Variants in TGM3 observed in about 807,000 individuals in gnomAD.
TGM3 encodes the protein transglutaminase 3.
Under a neutral mutation model 73.8 loss-of-function variants are expected in TGM3, and 52 were observed. The ratio of observed to expected loss-of-function variants is 0.70; its 90% CI spans 0.56 to 0.89. The LOEUF (loss-of-function observed/expected upper bound fraction) is 0.89, where lower values mean the gene tolerates loss of function less well. Among genes scored for constraint, TGM3 ranks in the 40% least tolerant of loss-of-function variants. The probability of loss-of-function intolerance (pLI) is 0.00; values close to 1 mark genes in which losing one functional copy is unlikely to be tolerated. For synonymous variants in TGM3, 372 were observed against 354.9 expected, an observed-to-expected ratio of 1.05 and a Z score of -0.54; for missense variants, 928 against 909.9, an observed-to-expected ratio of 1.02 and a Z score of -0.26.
At chr20:2,325,572 G>T (rs1402361731) in intron 7 of TGM3, among the ~76,000 whole-genome samples, 1 of 152,184 alleles carries the variant, frequency 6.6e-6, no homozygotes, top group East Asian at 1.9e-4. Flanking sequence ...AGGCATACAT[G>T]GGTCCACATT....
chr20:2,299,686 C>T (rs1033416372), intron 1 of TGM3, among the ~76,000 whole-genome samples: 2 of 152,138 alleles, frequency 1.3e-5, no homozygotes, highest in Non-Finnish European at 2.9e-5. Context: ...CTATAGCTGC[C>T]GGGTGGCTCT....
chr20:2,317,485 G>A lies in TGM3; in HGVS notation c.983G>A (p.Trp328Ter). Residue 328 changes from tryptophan to a stop codon, truncating the protein, a stop_gained and splice_region_variant, in exon 7 of 13, where the codon TGG (tryptophan) becomes TAG (stop). Coordinates refer to ENST00000381458, the MANE Select transcript of TGM3 (RefSeq NM_003245.4). LOFTEE classifies it high-confidence loss of function. ...CTGGACAAGGGTAGTGATAGCGTAT[G>A]GTAAGTATCTCACCTTTTCCCTGAA... is the stretch of plus-strand genomic sequence containing the variant. ...NPLDKGSDSVWNFHVWNEGWF... is the reference protein window; with the variant it reads ...NPLDKGSDSV The A allele has an allele frequency of 6.2e-7, 1 of 1,614,208 alleles. No homozygotes were observed. Among genetic ancestry groups the A allele is most frequent in the Non-Finnish European group, 8.5e-7 (1 of 1,180,024 alleles).
intron 1 of TGM3, among the ~76,000 whole-genome samples, 185 bp downstream of exon 1, chr20:2,296,255 G>C (rs2084106285): frequency 6.6e-6 from 1 of 152,208 alleles, no homozygotes. Flanking sequence ...GGTCCCTCTA[G>C]CATATTCTTG....
intron 1 of TGM3, among the ~76,000 whole-genome samples, chr20:2,308,911 G>A (rs2084188669): frequency 6.8e-6 from 1 of 146,222 alleles, no homozygotes; most frequent in Non-Finnish European, 1.5e-5. Flanking sequence ...GAGTTTTGCT[G>A]TTGATGCCCA....
rs2084215367 is a variant in TGM3 at position 2,313,017 on chromosome 20, GAGTGC to G, written c.661_665del (p.Ser221HisfsTer4). 6.2e-7 allele frequency: 1 copy of G among 1,614,056 alleles called. No individual in the cohort carries two copies. Among genetic ancestry groups the G allele is most frequent in the Non-Finnish European group, 8.5e-7 (1 of 1,180,030 alleles). ...ACCCCAAATACGTTGGCCGGGTGCT[GAGTGC>G]CATGGTGAGTAACAGGAAAACGATC... is the stretch of plus-strand genomic sequence containing the variant. On this transcript the variant is annotated frameshift_variant, in exon 5 of 13. Transcript: ENST00000381458. LOFTEE classifies it high-confidence loss of function.
In TGM3 at chr20:2,339,936, G is replaced by A; in HGVS notation, c.1883G>A (p.Cys628Tyr). The A allele has an allele frequency of 6.2e-7, 1 of 1,613,828 alleles. No individual in the cohort carries two copies. The highest frequency in any genetic ancestry group is 8.5e-7 in the Non-Finnish European group (1 of 1,179,940). Residue 628 changes from cysteine (C) to tyrosine (Y), a missense_variant, in exon 12 of 13, where the codon TGC becomes TAC. By Grantham distance (194) the Cys-to-Tyr change is radical (BLOSUM62 -2). Coordinates refer to ENST00000381458, the MANE Select transcript of TGM3 (RefSeq NM_003245.4). Reference protein sequence around the residue: ...SNPLDEPVRDCVLMVEGSGLL... With the variant: ...SNPLDEPVRDYVLMVEGSGLL... ...CCACTGGATGAGCCGGTGAGGGACT[G>A]CGTGCTGATGGTGGAGGGAAGCGGC...
At chr20:2,323,320 A>G (rs540179291) in intron 7 of TGM3, among the ~76,000 whole-genome samples, 1 of 152,370 alleles carries the variant, frequency 6.6e-6, no homozygotes, top group African/African-American at 2.4e-5. Context: ...ATGTTTGGTC[A>G]TACTGATTTT....
chr20:2,311,258 A>G (rs1354879554), intron 4 of TGM3, 129 bp downstream of exon 4: 9 of 752,496 alleles, frequency 1.2e-5, no homozygotes, highest in Non-Finnish European at 2.3e-6. Context: ...TCATGTATTC[A>G]GAAGACTTTC....
rs76528811 is a variant in TGM3, at chr20:2,339,889, C to A, written c.1836C>A (p.Asn612Lys). ...LNEARVRKPV[N>K]VQMLFSNPLD... ...AGGCTCGTGTGCGGAAGCCTGTGAA[C>A]GTGCAGATGCTCTTCTCCAATCCAC... Residue 612 changes from asparagine to lysine, a missense_variant, in exon 12 of 13, where the codon AAC becomes AAA. Transcript: ENST00000381458. The A allele has an allele frequency of 1.9e-6, 3 of 1,614,144 alleles. No individual in the cohort carries two copies. Among genetic ancestry groups the A allele is most frequent in the African/African-American group, 1.3e-5 (1 of 75,058 alleles).
chr20:2,325,263 G>A (rs538677728), intron 7 of TGM3, among the ~76,000 whole-genome samples: 15 of 152,284 alleles, frequency 9.9e-5, no homozygotes, highest in Middle Eastern at 3.4e-3. Flanking sequence ...GGCTGTGCCC[G>A]GTGAGGGGTG....
chr20:2,312,492 G>A (rs1326297978), intron 4 of TGM3, among the ~76,000 whole-genome samples: 1 of 151,908 alleles, frequency 6.6e-6, no homozygotes, highest in Non-Finnish European at 1.5e-5. Context: ...AGAAATCGAG[G>A]CCAGACAGGC....
In TGM3 at chr20:2,319,475, G is replaced by A. The variant is rs147390230; in HGVS notation, c.983+1990G>A. Among the ~76,000 whole-genome samples the A allele has an allele frequency of 1.6e-3, 244 of 152,304 alleles. 1 individual carries two copies. Among genetic ancestry groups the A allele is most frequent in the African/African-American group, 5.4e-3 (223 of 41,566 alleles). On this transcript the variant is annotated intron_variant, in intron 7 of 12. Coordinates refer to ENST00000381458, the MANE Select transcript of TGM3 (RefSeq NM_003245.4). ...CTCGGAGGAAATCCTCAAGGAAGGCGTCCTGGAAACAGGAAAGTGAGGCTT... is the reference window on the plus strand; with the variant it reads ...CTCGGAGGAAATCCTCAAGGAAGGCATCCTGGAAACAGGAAAGTGAGGCTT...
intron 5 of TGM3, among the ~76,000 whole-genome samples, chr20:2,313,364 C>T (rs1462193984): frequency 1.3e-5 from 2 of 152,204 alleles, no homozygotes; most frequent in Non-Finnish European, 2.9e-5. Flanking sequence ...AAAGCTAGGG[C>T]TCTGCTCCAT....
chr20:2,336,386 C>T (rs1271717852), intron 11 of TGM3, among the ~76,000 whole-genome samples: 1 of 152,142 alleles, frequency 6.6e-6, no homozygotes. Flanking sequence ...ATCTGCTGTA[C>T]CCACCGTCTG....
At chr20:2,336,751 CT>C (rs2084353559) in intron 11 of TGM3, among the ~76,000 whole-genome samples, 1 of 151,856 alleles carries the variant, frequency 6.6e-6, no homozygotes, top group Non-Finnish European at 1.5e-5. Flanking sequence ...TCGTTCAGGC[CT>C]TGGGCCATGT....
chr20:2,303,975 C>A (rs891998118), intron 1 of TGM3, among the ~76,000 whole-genome samples: 2 of 152,122 alleles, frequency 1.3e-5, no homozygotes, highest in Admixed American at 1.3e-4. Context: ...AGGTTTTTCC[C>A]GCTGATGTCT....
intron 1 of TGM3, among the ~76,000 whole-genome samples, chr20:2,297,178 G>A (rs1413317617): frequency 6.6e-6 from 1 of 152,236 alleles, no homozygotes; most frequent in East Asian, 1.9e-4. Context: ...GCCCAGGAAG[G>A]GGTGGAACCT....
chr20:2,339,763 C>T, intron 11 of TGM3, 91 bp from the exon 12 acceptor site: 2 of 1,561,330 alleles, frequency 1.3e-6, no homozygotes, highest in African/African-American at 1.3e-5. Context: ...ACATCACCCC[C>T]TTCACTCAGT....
intron 1 of TGM3, among the ~76,000 whole-genome samples, chr20:2,307,167 T>C (rs1300230508): frequency 6.6e-6 from 1 of 152,196 alleles, no homozygotes; most frequent in Non-Finnish European, 1.5e-5. Flanking sequence ...TGAGTGGATG[T>C]TTGAATGAAT....
Sources: gnomAD v4.1 joint callset for allele counts (sites outside exome capture counted in the v4.1 genomes callset) on GRCh38, gnomAD v4.1.1 for gene constraint, MANE v1.5 for transcripts, NCBI Gene and HGNC (gene_info 2026-07-23, HGNC 2026-07-21) for gene names.